The following METTL15 variants were observed in gnomAD, a reference collection of about 807,000 sequenced individuals.
METTL15 encodes 12S rRNA N(4)-cytidine methyltransferase METTL15.
In METTL15, 34 loss-of-function variants were observed where a neutral mutation model predicts 38.3. The ratio of observed to expected loss-of-function variants is 0.89; its 90% CI spans 0.68 to 1.18. METTL15 has a LOEUF of 1.18. Among genes scored for constraint, METTL15 ranks in the 50% most tolerant of loss-of-function variants. METTL15 has a pLI of 0.00. For synonymous variants in METTL15, 162 were observed against 170.9 expected, an observed-to-expected ratio of 0.95 and a Z score of 0.41; for missense variants, 438 against 498.4, an observed-to-expected ratio of 0.88 and a Z score of 1.15.
intron 6 of METTL15, among the ~76,000 whole-genome samples, chr11:28,329,887 T>C (rs1849757761): frequency 6.6e-6 from 1 of 152,306 alleles, no homozygotes; most frequent in Non-Finnish European, 1.5e-5. Flanking sequence ...GTTTATGTTA[T>C]TCCACTATCT....
chr11:28,136,608 A>G (rs1590788025), intron 3 of METTL15, among the ~76,000 whole-genome samples: 1 of 152,214 alleles, frequency 6.6e-6, no homozygotes, highest in Admixed American at 6.5e-5. Flanking sequence ...TAGACATCCT[A>G]TATGATTTTA....
At chr11:28,388,684 CT>C (rs566077381) in intron 5 of METTL15, among the ~76,000 whole-genome samples, 17 of 151,296 alleles carry the variant, frequency 1.1e-4, no homozygotes, top group East Asian at 7.8e-4. Context: ...TGACACTTTT[CT>C]TTTTTTTTAT....
In METTL15 at chr11:28,122,185, A is replaced by G. The variant is rs114115819; in HGVS notation, c.270+8581A>G. 0.01 allele frequency: 12,738 copies of G among 1,250,272 alleles called. 1,076 individuals carry two copies. The African/African-American group carries it at 0.18, about 18-fold the overall frequency. The allele number at this position is 1,250,272 out of a possible 1,614,324, so 77.4% of individuals were successfully genotyped here. ...GTGGGAATATGAATCCTACAGGTAAATTTAACATTTTTTTAAAATGAGAAT... is the reference window on the plus strand; with the variant it reads ...GTGGGAATATGAATCCTACAGGTAAGTTTAACATTTTTTTAAAATGAGAAT... On this transcript the variant is annotated intron_variant, in intron 3 of 6. Transcript: ENST00000407364.
intron 3 of METTL15, among the ~76,000 whole-genome samples, chr11:28,187,053 C>A (rs1017904202): frequency 5.3e-5 from 8 of 150,998 alleles, no homozygotes; most frequent in African/African-American, 1.7e-4. Flanking sequence ...ACTGGAATAA[C>A]CTTAAACAAA....
intron 4 of METTL15, among the ~76,000 whole-genome samples, chr11:28,246,686 T>G (rs927455065): frequency 2.7e-4 from 41 of 152,240 alleles, no homozygotes; most frequent in African/African-American, 9.6e-4. Flanking sequence ...GTCCTGGGGC[T>G]TTTATGGGAT....
At chr11:28,238,176 G>C (rs926803193) in intron 4 of METTL15, among the ~76,000 whole-genome samples, 1 of 152,200 alleles carries the variant, frequency 6.6e-6, no homozygotes, top group East Asian at 1.9e-4. Flanking sequence ...GGTTACTGCT[G>C]TCTTTTTGTT....
chr11:28,118,731 C>T (rs537532788), intron 3 of METTL15, among the ~76,000 whole-genome samples: 4 of 152,050 alleles, frequency 2.6e-5, no homozygotes, highest in Non-Finnish European at 5.9e-5. Context: ...TACAAGTACC[C>T]CACTAGTACA....
chr11:28,162,054 A>C (rs1850484836), intron 3 of METTL15, among the ~76,000 whole-genome samples: 6 of 152,164 alleles, frequency 3.9e-5, no homozygotes, highest in Admixed American at 3.9e-4. Context: ...TTATTTTTTC[A>C]CATATTTCTC....
At chr11:28,377,934 C>T (rs1266134776) in intron 5 of METTL15, among the ~76,000 whole-genome samples, 2 of 152,104 alleles carry the variant, frequency 1.3e-5, no homozygotes, top group Non-Finnish European at 2.9e-5. Flanking sequence ...GTCAGTGTGT[C>T]CCTGCTGGAG....
At chr11:28,472,911 G>A (rs1461791933) in intron 6 of METTL15, among the ~76,000 whole-genome samples, 1 of 151,832 alleles carries the variant, frequency 6.6e-6, no homozygotes, top group African/African-American at 2.4e-5. Context: ...TTGCTTGAAT[G>A]TCTGCTTTTC....
intron 4 of METTL15, among the ~76,000 whole-genome samples, chr11:28,223,171 C>T (rs772795467): frequency 7.2e-5 from 11 of 151,962 alleles, no homozygotes; most frequent in Admixed American, 3.3e-4. Context: ...ATATATACAT[C>T]GCTTGTGTAT....
chr11:28,444,510 A>T (rs1038294088), intron 6 of METTL15, among the ~76,000 whole-genome samples: 1 of 152,212 alleles, frequency 6.6e-6, no homozygotes, highest in African/African-American at 2.4e-5. Flanking sequence ...CTCAACTGTA[A>T]GCCCACAGAA....
chr11:28,275,341 C>T (rs993712770), intron 4 of METTL15, among the ~76,000 whole-genome samples: 1 of 151,714 alleles, frequency 6.6e-6, no homozygotes, highest in African/African-American at 2.4e-5. Flanking sequence ...TTTATGCTTG[C>T]AAATTAGAAA....
chr11:28,130,300 G>A (rs908979698), intron 3 of METTL15, among the ~76,000 whole-genome samples: 3 of 152,112 alleles, frequency 2.0e-5, no homozygotes, highest in African/African-American at 7.2e-5. Context: ...GACAGAGTGA[G>A]ACCTGGTCTC....
intron 6 of METTL15, among the ~76,000 whole-genome samples, chr11:28,429,440 G>C (rs1850894067): frequency 8.4e-6 from 1 of 118,892 alleles, no homozygotes; most frequent in Non-Finnish European, 1.7e-5. Flanking sequence ...CTGTACTGCT[G>C]CCATCTCGGC....
downstream of METTL15, among the ~76,000 whole-genome samples, chr11:28,336,479 A>C (rs942877501): frequency 6.6e-6 from 1 of 152,202 alleles, no homozygotes; most frequent in South Asian, 2.1e-4. Context: ...TGCACTCTAA[A>C]GCCAGTGAGA....
At chr11:28,235,038 C>T (rs1853883967) in intron 4 of METTL15, among the ~76,000 whole-genome samples, 2 of 152,040 alleles carry the variant, frequency 1.3e-5, no homozygotes, top group Admixed American at 1.3e-4. Flanking sequence ...AGCCAGTTTT[C>T]CCAGCACCAT....
Position 28,117,410 on chromosome 11 carries a change from C to G in METTL15, c.270+3806C>G, listed in dbSNP as rs1421141529. ...GTATTAGTTTATTAAACCCTAGTAA[C>G]AAAGCCAAATGCTTATGTTGCACTA... is the stretch of plus-strand genomic sequence containing the variant. On this transcript the variant is annotated intron_variant, in intron 3 of 6. Transcript: ENST00000407364. 4.0e-5 allele frequency among the ~76,000 whole-genome samples: 6 copies of G among 151,716 alleles called. No individual in the cohort carries two copies. The South Asian group carries it at 6.2e-4, about 16-fold the overall frequency.
At chr11:28,207,252 A>G (rs1852388153) in intron 3 of METTL15, among the ~76,000 whole-genome samples, 1 of 151,938 alleles carries the variant, frequency 6.6e-6, no homozygotes, top group South Asian at 2.1e-4. Context: ...GGGTTGTCAT[A>G]GATAGCTCTT....
Sources: gnomAD v4.1 joint callset for allele counts (sites outside exome capture counted in the v4.1 genomes callset) on GRCh38, gnomAD v4.1.1 for gene constraint, MANE v1.5 for transcripts, NCBI Gene and HGNC (gene_info 2026-07-23, HGNC 2026-07-21) for gene names.